The following BARX2 variants were observed in gnomAD, a reference collection of about 807,000 sequenced individuals.
BARX2 encodes the protein homeobox protein BarH-like 2.
In BARX2, 11 loss-of-function variants were observed where a neutral mutation model predicts 25.5. The observed-to-expected ratio is 0.43, with a 90% CI of 0.27 to 0.71. The LOEUF is 0.71. Ranked by LOEUF, BARX2 falls within the 30% of genes least tolerant of loss-of-function variation. The pLI is 0.19. For synonymous variants in BARX2, 137 were observed against 149.5 expected, an observed-to-expected ratio of 0.92 and a Z score of 0.61; for missense variants, 360 against 359.9, an observed-to-expected ratio of 1.00 and a Z score of 0.00.
chr11:129,407,152 A>G (rs1262292958), intron 1 of BARX2, among the ~76,000 whole-genome samples: 1 of 152,226 alleles, frequency 6.6e-6, no homozygotes, highest in Non-Finnish European at 1.5e-5. Context: ...TCACCCACAG[A>G]GCCTCAGAGC....
chr11:129,380,045 C>G (rs879655925), intron 1 of BARX2, among the ~76,000 whole-genome samples: 1 of 151,844 alleles, frequency 6.6e-6, no homozygotes, highest in Non-Finnish European at 1.5e-5. Flanking sequence ...TCAATATCCT[C>G]AAGCAGAAGG....
intron 1 of BARX2, among the ~76,000 whole-genome samples, chr11:129,431,314 G>A: frequency 6.6e-6 from 1 of 152,102 alleles, no homozygotes; most frequent in East Asian, 1.9e-4. Flanking sequence ...TTAATATCTG[G>A]GGGGTTTTGC....
intron 1 of BARX2, among the ~76,000 whole-genome samples, chr11:129,421,461 G>GAT (rs1862003519): frequency 6.6e-6 from 1 of 152,168 alleles, no homozygotes; most frequent in Non-Finnish European, 1.5e-5. Flanking sequence ...AACATAGTTT[G>GAT]ATGACCCCTG....
chr11:129,432,262 A>C (rs1336833461), intron 1 of BARX2, among the ~76,000 whole-genome samples: 1 of 152,102 alleles, frequency 6.6e-6, no homozygotes, highest in African/African-American at 2.4e-5. Context: ...GGCTTTCGTC[A>C]TATTGGCCAG....
chr11:129,423,432 A>T (rs1439370978), intron 1 of BARX2, among the ~76,000 whole-genome samples: 1 of 152,186 alleles, frequency 6.6e-6, no homozygotes, highest in African/African-American at 2.4e-5. Context: ...GATTTTTAAA[A>T]TTACATATTT....
chr11:129,428,460 T>A (rs1464690154), intron 1 of BARX2, among the ~76,000 whole-genome samples: 1 of 152,218 alleles, frequency 6.6e-6, no homozygotes, highest in East Asian at 1.9e-4. Context: ...AAATACAGAT[T>A]TATGGTGGGA....
chr11:129,412,026 A>G (rs772509322), intron 1 of BARX2, among the ~76,000 whole-genome samples: 6 of 152,200 alleles, frequency 3.9e-5, no homozygotes, highest in Non-Finnish European at 8.8e-5. Flanking sequence ...TAATCCCAGC[A>G]CTTTGGGAGG....
chr11:129,408,560 C>T lies in BARX2; in HGVS notation c.188-28191C>T, dbSNP rs1001485829. Reference sequence around the variant, plus strand: ...CTCTTTGCTGTTCCTAGAACATAAGCTTTTCCGTGTTTCTGGCTCTTAACC... The same window carrying T: ...CTCTTTGCTGTTCCTAGAACATAAGTTTTTCCGTGTTTCTGGCTCTTAACC... On this transcript the variant is annotated intron_variant, in intron 1 of 3. Coordinates refer to ENST00000281437, the MANE Select transcript of BARX2 (RefSeq NM_003658.5). 3.9e-5 allele frequency among the ~76,000 whole-genome samples: 6 copies of T among 152,300 alleles called. No homozygotes were observed. The South Asian group carries it at 6.2e-4, about 16-fold the overall frequency.
intron 3 of BARX2, among the ~76,000 whole-genome samples, chr11:129,449,650 G>A (rs566976605): frequency 1.3e-5 from 2 of 152,300 alleles, no homozygotes; most frequent in South Asian, 4.2e-4. Context: ...TAATAAGGGT[G>A]CCAGGCCTTT....
chr11:129,387,799 G>C (rs7126236), intron 1 of BARX2, among the ~76,000 whole-genome samples: 17,951 of 152,160 alleles, frequency 0.12, 1,661 homozygotes, highest in African/African-American at 0.26. Flanking sequence ...TCTTAGGGAG[G>C]TGCTAAATAG....
chr11:129,445,404 C>T (rs1197169334), intron 3 of BARX2, among the ~76,000 whole-genome samples: 1 of 152,236 alleles, frequency 6.6e-6, no homozygotes, highest in African/African-American at 2.4e-5. Context: ...CGCCCAGTGC[C>T]CGTGGGCCAA....
rs991159232 is a variant in BARX2 at position 129,407,797 on chromosome 11, T to A, written c.188-28954T>A. Among the ~76,000 whole-genome samples the A allele has an allele frequency of 5.3e-5, 8 of 152,028 alleles. No homozygotes were observed. In the East Asian group the frequency reaches 1.5e-3, roughly 29 times the overall value. ...GTGGTAGGGGTGTGATAAAAATGCA[T>A]GCAAGATGCTCATCAAACACGGAGG... On this transcript the variant is annotated intron_variant, in intron 1 of 3. Transcript: ENST00000281437.
At chr11:129,416,845 A>G (rs1591438434) in intron 1 of BARX2, among the ~76,000 whole-genome samples, 1 of 145,674 alleles carries the variant, frequency 6.9e-6, no homozygotes, top group Non-Finnish European at 1.5e-5. Context: ...CTTTTGGAGT[A>G]TCGTAGGAGT....
chr11:129,377,540 GA>G (rs1861516331), intron 1 of BARX2, among the ~76,000 whole-genome samples: 1 of 152,162 alleles, frequency 6.6e-6, no homozygotes, highest in African/African-American at 2.4e-5. Context: ...AGAAATATAT[GA>G]AACAAGGAAC....
intron 1 of BARX2, among the ~76,000 whole-genome samples, chr11:129,423,257 C>T (rs941493428): frequency 4.0e-5 from 6 of 151,734 alleles, no homozygotes; most frequent in Non-Finnish European, 8.8e-5. Context: ...GCTGGGATTA[C>T]AGGCACCTGC....
At chr11:129,375,337 T>C (rs1861488589), upstream of BARX2, among the ~76,000 whole-genome samples, 2 of 152,184 alleles carry the variant, frequency 1.3e-5, no homozygotes, top group Admixed American at 6.5e-5. The surrounding 1 kb of genome is among the most constrained non-coding windows in gnomAD (Gnocchi z 4.0). Flanking sequence ...TCGGGGGCAC[T>C]GGCTCTGTGG....
intron 1 of BARX2, among the ~76,000 whole-genome samples, chr11:129,434,581 G>C (rs756938720): frequency 6.6e-6 from 1 of 152,058 alleles, no homozygotes; most frequent in Non-Finnish European, 1.5e-5. Context: ...TTACATTGTA[G>C]TTCATACTAT....
rs775106374 is a variant in BARX2 at position 129,436,760 on chromosome 11, C to T, written c.197C>T (p.Ser66Phe). 3.2e-6 allele frequency: 5 copies of T among 1,575,230 alleles called. No homozygotes were observed. The East Asian group carries it at 1.1e-4, about 36-fold the overall frequency. Residue 66 changes from serine (S) to phenylalanine (F), a missense_variant, in exon 2 of 4, where the codon TCC becomes TTC. Physicochemically the swap from Ser to Phe is radical, Grantham distance 155. Coordinates refer to ENST00000281437, the MANE Select transcript of BARX2 (RefSeq NM_003658.5). The surrounding 1 kb of genome is among the most constrained non-coding windows in gnomAD (Gnocchi z 4.5). Reference sequence around the variant, plus strand: ...CCTGCTTGTTTTCCAGGCTCCCCTTCCCTGCGGGCATATCCGCTCCTCTCG... The same window carrying T: ...CCTGCTTGTTTTCCAGGCTCCCCTTTCCTGCGGGCATATCCGCTCCTCTCG... ...KPLHSCTGSP[S>F]LRAYPLLSVI...
At chr11:129,444,988 A>G (rs1862307193) in intron 3 of BARX2, among the ~76,000 whole-genome samples, 1 of 152,010 alleles carries the variant, frequency 6.6e-6, no homozygotes, top group Non-Finnish European at 1.5e-5. Context: ...GCCACGGAGC[A>G]AGACTCCGTC....
Sources: allele counts gnomAD v4.1 joint callset (sites outside exome capture counted in the v4.1 genomes callset), GRCh38; gene constraint gnomAD v4.1.1; non-coding constraint Gnocchi (gnomAD v3.1); transcripts MANE v1.5; gene names NCBI Gene and HGNC (gene_info 2026-07-23, HGNC 2026-07-21).